WDR19: variants seen among roughly 807,000 people sequenced by gnomAD.
The protein encoded by WDR19 is WD repeat domain 19.
A neutral mutation model predicts 180.0 loss-of-function variants in WDR19; 121 were observed. The ratio of observed to expected loss-of-function variants is 0.67; its 90% CI spans 0.58 to 0.78. The LOEUF (loss-of-function observed/expected upper bound fraction) is 0.78. Ranked by LOEUF, WDR19 falls within the 30% of genes least tolerant of loss-of-function variation. The pLI is 0.00. For missense variants in WDR19, 1,450 were observed against 1,640.7 expected (o/e 0.88, Z 2.01); for synonymous variants, 497 against 540.7 (o/e 0.92, Z 1.12).
chr4:39,224,741 C>G (rs1730064737), intron 14 of WDR19, 143 bp from the exon 15 acceptor site: 4 of 753,592 alleles, frequency 5.3e-6, no homozygotes, highest in Non-Finnish European at 8.1e-6. Flanking sequence ...TTCACATATA[C>G]TAAATATTAT....
intron 15 of WDR19, among the ~76,000 whole-genome samples, chr4:39,227,791 A>G (rs1396555100): frequency 1.3e-5 from 2 of 152,194 alleles, no homozygotes; most frequent in African/African-American, 4.8e-5. Context: ...AGTGTAATTT[A>G]CTTCAATCAT....
At chr4:39,259,050 A>C (rs1279671291) in intron 28 of WDR19, among the ~76,000 whole-genome samples, 1 of 152,202 alleles carries the variant, frequency 6.6e-6, no homozygotes, top group Non-Finnish European at 1.5e-5. Flanking sequence ...CCTGGGCAAC[A>C]AGAATGAAAC....
chr4:39,186,723 AT>A, intron 3 of WDR19, 119 bp downstream of exon 3: 1 of 692,766 alleles, frequency 1.4e-6, no homozygotes, highest in South Asian at 2.4e-5. Context: ...TTGCAAAGGG[AT>A]TTGTTTTTTT....
At chr4:39,199,635 TC>T (rs756856269) in intron 6 of WDR19, 42 bp downstream of exon 6, 2 of 1,480,166 alleles carry the variant, frequency 1.4e-6, no homozygotes, top group South Asian at 1.2e-5. Flanking sequence ...ATTCAAGCTT[TC>T]CCCCCAAATA....
At chr4:39,213,692 G>A (rs1042372880) in intron 9 of WDR19, among the ~76,000 whole-genome samples, 2 of 152,154 alleles carry the variant, frequency 1.3e-5, no homozygotes, top group African/African-American at 4.8e-5. Context: ...TCATGTGTGA[G>A]AAAGTTACTA....
intron 32 of WDR19, chr4:39,273,837 G>C (rs1476796708): frequency 6.6e-6 from 1 of 152,178 alleles, no homozygotes; most frequent in South Asian, 2.1e-4. Context: ...CTCTGAAAAG[G>C]CCTCACTATT....
chr4:39,192,302 CTG>C (rs1726252445), intron 4 of WDR19, among the ~76,000 whole-genome samples: 1 of 152,092 alleles, frequency 6.6e-6, no homozygotes, highest in Admixed American at 6.5e-5. Context: ...ACAGGATTAA[CTG>C]TGTAAGAGAT....
chr4:39,185,813 A>G lies in WDR19; in HGVS notation c.94A>G (p.Thr32Ala), dbSNP rs1363598133. Reference sequence around the variant, plus strand: ...AACATCAGGAAACTACCTTGCAGTAACAGGGTAAGAAACCAATGAATGTTT... The same window carrying G: ...AACATCAGGAAACTACCTTGCAGTAGCAGGGTAAGAAACCAATGAATGTTT... The part of the protein sequence containing the change: ...QKTSGNYLAV[T>A]GADYIVKIFD... Residue 32 changes from threonine (T) to alanine (A), a missense_variant, in exon 2 of 37, where the codon ACA (threonine) becomes GCA (alanine). Transcript: ENST00000399820. 7 of 1,550,948 alleles carry G rather than the reference A, an allele frequency of 4.5e-6. No individual in the cohort carries two copies. The highest frequency in any genetic ancestry group is 1.7e-4 in the Middle Eastern group (1 of 5,976).
At chr4:39,221,497 C>T (rs1337231763) in intron 14 of WDR19, among the ~76,000 whole-genome samples, 2 of 151,970 alleles carry the variant, frequency 1.3e-5, no homozygotes, top group Non-Finnish European at 2.9e-5. Context: ...AATTGATATG[C>T]AAAAAAATGC....
At chr4:39,194,689 A>G (rs778669167) in intron 5 of WDR19, 30 bp downstream of exon 5, 2 of 1,478,718 alleles carry the variant, frequency 1.4e-6, no homozygotes, top group Non-Finnish European at 1.9e-6. Flanking sequence ...ACTGCTAAAT[A>G]TTTGAGATGC....
chr4:39,225,827 T>G lies in WDR19; in HGVS notation c.1629+794T>G, dbSNP rs550934464. 3.3e-5 allele frequency among the ~76,000 whole-genome samples: 5 copies of G among 152,148 alleles called. No individual in the cohort carries two copies. In the East Asian group the frequency reaches 7.7e-4, roughly 23 times the overall value. On this transcript the variant is annotated intron_variant, in intron 15 of 36. Coordinates refer to ENST00000399820, the MANE Select transcript of WDR19 (RefSeq NM_025132.4). ...TCCTTTCCTTCCCTTCCCTTTCTCT[T>G]CCCTTTCCCTTCCCTTCCTTTCCTT... is the stretch of plus-strand genomic sequence containing the variant.
In WDR19 at chr4:39,228,544, G is replaced by A; in HGVS notation, c.1836G>A (p.Leu612=). 2.5e-6 allele frequency: 4 copies of A among 1,613,918 alleles called. No individual in the cohort carries two copies. Among genetic ancestry groups the A allele is most frequent in the Non-Finnish European group, 3.4e-6 (4 of 1,179,836 alleles). The stretch of plus-strand genomic sequence containing the variant: ...TTCCTTTTGCTCATAAACCTTTGCT[G>A]CTATATAATGGAGAGCTGACCTGCC... ...TKVPFAHKPL[L]LYNGELTCQT... Residue 612 remains leucine (L), a synonymous_variant, in exon 17 of 37, where the codon CTG becomes CTA. Transcript: ENST00000399820.
intron 21 of WDR19, 103 bp from the exon 22 acceptor site, chr4:39,244,145 C>A: frequency 7.6e-7 from 1 of 1,322,740 alleles, no homozygotes; most frequent in Non-Finnish European, 1.0e-6. Context: ...TAAAAGTAAA[C>A]CATAACCTTT....
intron 1 of WDR19, among the ~76,000 whole-genome samples, chr4:39,182,788 T>C (rs1725079275): frequency 6.6e-6 from 1 of 151,930 alleles, no homozygotes. Flanking sequence ...GCCTCTCGTT[T>C]TGGGGACTGC....
chr4:39,216,900 C>T (rs758789051), intron 12 of WDR19, among the ~76,000 whole-genome samples: 1 of 152,094 alleles, frequency 6.6e-6, no homozygotes, highest in Admixed American at 6.6e-5. Context: ...TTTTCTATTA[C>T]TTTGTTTCAG....
intron 9 of WDR19, among the ~76,000 whole-genome samples, chr4:39,206,903 A>G (rs1392781702): frequency 6.6e-6 from 1 of 152,320 alleles, no homozygotes; most frequent in South Asian, 2.1e-4. Flanking sequence ...AAACAAAAAT[A>G]TTAACCTTCT....
intron 32 of WDR19, 36 bp downstream of exon 32, chr4:39,273,097 C>G: frequency 6.7e-7 from 1 of 1,501,192 alleles, no homozygotes; most frequent in Non-Finnish European, 9.0e-7. Flanking sequence ...ACCCATGCCC[C>G]ATGCCCCATG....
intron 5 of WDR19, among the ~76,000 whole-genome samples, chr4:39,197,119 G>T (rs1360076549): frequency 1.3e-5 from 2 of 152,086 alleles, no homozygotes; most frequent in African/African-American, 4.8e-5. Context: ...CCAATTTATG[G>T]ATGAAGTGAG....
chr4:39,230,940 T>C (rs1730777517), intron 17 of WDR19, among the ~76,000 whole-genome samples: 1 of 152,198 alleles, frequency 6.6e-6, no homozygotes, highest in African/African-American at 2.4e-5. Context: ...TATTTCAAGC[T>C]TTACGGGCCA....
Sources: allele counts gnomAD v4.1 joint callset (sites outside exome capture counted in the v4.1 genomes callset), GRCh38; gene constraint gnomAD v4.1.1; transcripts MANE v1.5; gene names NCBI Gene and HGNC (gene_info 2026-07-23, HGNC 2026-07-21).